GLYATL2: variants seen among roughly 807,000 people sequenced by gnomAD.
The protein encoded by GLYATL2 is glycine-N-acyltransferase like 2.
GLYATL2 carries 25 observed loss-of-function variants against 21.4 expected under a neutral mutation model. The ratio of observed to expected loss-of-function variants is 1.17; its 90% CI spans 0.85 to 1.63. The LOEUF (loss-of-function observed/expected upper bound fraction) is 1.63. Among genes scored for constraint, GLYATL2 ranks in the 40% most tolerant of loss-of-function variants. The pLI is 0.00. For synonymous variants in GLYATL2, 114 were observed against 118.2 expected, an observed-to-expected ratio of 0.96 and a Z score of 0.23; for missense variants, 361 against 343.3, an observed-to-expected ratio of 1.05 and a Z score of -0.41.
intron 1 of GLYATL2, among the ~76,000 whole-genome samples, chr11:58,849,889 A>G (rs1299607342): frequency 6.6e-6 from 1 of 152,158 alleles, no homozygotes; most frequent in African/African-American, 2.4e-5. Flanking sequence ...TACCTATGGA[A>G]CAAAGCTGCA....
Position 58,837,103 on chromosome 11 carries a change from T to C in GLYATL2, c.388A>G (p.Thr130Ala), listed in dbSNP as rs1488213929. 36 of 1,613,860 alleles carry C rather than the reference T, an allele frequency of 2.2e-5. No homozygotes were observed. In the Admixed American group the frequency reaches 6.0e-4, roughly 27 times the overall value. ...GGTAATTCCGGTATAAAGAGGATGG[T>C]TTTCATGTAATCTACCTGCACTGAT... is the stretch of plus-strand genomic sequence containing the variant. ...SKSVQVDYMK[T>A]ILFIPELPKK... The change falls in exon 5 of 6, where the codon ACC (threonine) becomes GCC (alanine). Residue 130 changes from threonine to alanine, a missense_variant. Coordinates refer to ENST00000287275, the MANE Select transcript of GLYATL2 (RefSeq NM_145016.4).
In GLYATL2 at chr11:58,903,499, T is replaced by A. The variant is rs1196132804; in HGVS notation, n.60+657A>T. Among the ~76,000 whole-genome samples, 60 of 151,936 alleles carry A rather than the reference T, an allele frequency of 3.9e-4. 1 individual carries two copies. Among genetic ancestry groups the A allele is most frequent in the Admixed American group, 3.9e-3 (60 of 15,268 alleles). The stretch of plus-strand genomic sequence containing the variant: ...CCCAGACTTGCCAACATGGTGAAAC[T>A]CCATCTCTATTAAAAATACAAAAAG... On this transcript the variant is annotated intron_variant and non_coding_transcript_variant, in intron 1 of 4. Coordinates refer to the GLYATL2 transcript ENST00000533636.
chr11:58,870,115 A>T (rs1424048564), intron 1 of GLYATL2, among the ~76,000 whole-genome samples: 2 of 152,096 alleles, frequency 1.3e-5, no homozygotes, highest in Non-Finnish European at 2.9e-5. Context: ...AAAAAAAAAA[A>T]TTACAGGCAG....
At chr11:58,864,697 C>G (rs1267735639) in intron 1 of GLYATL2, among the ~76,000 whole-genome samples, 1 of 148,980 alleles carries the variant, frequency 6.7e-6, no homozygotes, top group African/African-American at 2.4e-5. Flanking sequence ...CTCTGCTACA[C>G]GAAGATTCTG....
At chr11:58,846,818 G>A (rs1311451500), upstream of GLYATL2, among the ~76,000 whole-genome samples, 1 of 152,116 alleles carries the variant, frequency 6.6e-6, no homozygotes, top group African/African-American at 2.4e-5. Flanking sequence ...CAGAAATTGT[G>A]GACTGGGGGG....
intron 1 of GLYATL2, among the ~76,000 whole-genome samples, chr11:58,879,517 A>T (rs1854294595): frequency 6.6e-6 from 1 of 152,248 alleles, no homozygotes. Context: ...AAGCAAAATT[A>T]TTCCAGTTAA....
chr11:58,880,969 G>A (rs892763405), intron 1 of GLYATL2, among the ~76,000 whole-genome samples: 4 of 152,068 alleles, frequency 2.6e-5, no homozygotes, highest in Non-Finnish European at 5.9e-5. Flanking sequence ...TAACTAATTT[G>A]CTAATGATTG....
chr11:58,886,359 T>G (rs535381808), intron 1 of GLYATL2, among the ~76,000 whole-genome samples: 27 of 152,344 alleles, frequency 1.8e-4, no homozygotes, highest in Admixed American at 1.4e-3. Flanking sequence ...ATATTTCCAA[T>G]TTAGAGATGA....
At chr11:58,906,050 C>T (rs1854872106), upstream of GLYATL2, among the ~76,000 whole-genome samples, 1 of 152,212 alleles carries the variant, frequency 6.6e-6, no homozygotes, top group Non-Finnish European at 1.5e-5. Context: ...CTTCCCAACA[C>T]CTGCGAATCG....
At chr11:58,896,536 G>C (rs1854638047) in intron 1 of GLYATL2, among the ~76,000 whole-genome samples, 1 of 152,142 alleles carries the variant, frequency 6.6e-6, no homozygotes, top group Non-Finnish European at 1.5e-5. Context: ...CTGCTTCCCT[G>C]CCATCTCTAG....
intron 1 of GLYATL2, among the ~76,000 whole-genome samples, chr11:58,871,911 G>A (rs757781648): frequency 1.1e-4 from 16 of 152,324 alleles, no homozygotes; most frequent in Non-Finnish European, 1.5e-4. Flanking sequence ...CGGTGTAAAA[G>A]TGTTCCTATT....
chr11:58,867,177 G>A (rs1476175184), intron 1 of GLYATL2, among the ~76,000 whole-genome samples: 1 of 148,796 alleles, frequency 6.7e-6, no homozygotes, highest in Non-Finnish European at 1.5e-5. Flanking sequence ...GTAGTATGAA[G>A]TATGCCAACA....
upstream of GLYATL2, among the ~76,000 whole-genome samples, chr11:58,904,424 A>G (rs1274176277): frequency 6.6e-6 from 1 of 152,352 alleles, no homozygotes; most frequent in South Asian, 2.1e-4. Flanking sequence ...CCTAAGGAGC[A>G]CTTTTTTCCA....
chr11:58,864,489 C>T (rs986235599), intron 1 of GLYATL2, among the ~76,000 whole-genome samples: 7 of 149,136 alleles, frequency 4.7e-5, no homozygotes, highest in African/African-American at 1.7e-4. Context: ...ATACCTATTA[C>T]TGTATTTCAC....
chr11:58,901,970 AC>A lies in GLYATL2; in HGVS notation n.60+2185del, dbSNP rs1246978450. ...CACACAGCTCAGTGAATATTTCTTT[AC>A]TTGAAGAGAGAGAGAGGCTCCTTGG... On this transcript the variant is annotated intron_variant and non_coding_transcript_variant, in intron 1 of 4. Coordinates refer to the GLYATL2 transcript ENST00000533636. 2.6e-5 allele frequency among the ~76,000 whole-genome samples: 4 copies of A among 152,116 alleles called. No individual in the cohort carries two copies. The East Asian group carries it at 7.7e-4, about 29-fold the overall frequency.
chr11:58,909,346 A>G, the GLYATL2 span, among the ~76,000 whole-genome samples: 3 of 152,180 alleles, frequency 2.0e-5, no homozygotes, highest in Non-Finnish European at 2.9e-5. Flanking sequence ...ACAATATTGT[A>G]TACTTAAATT....
intron 1 of GLYATL2, among the ~76,000 whole-genome samples, chr11:58,850,445 C>A (rs1853719520): frequency 6.6e-6 from 1 of 151,914 alleles, no homozygotes; most frequent in Non-Finnish European, 1.5e-5. Context: ...ATATGAATAT[C>A]ATTAATCATT....
intron 1 of GLYATL2, among the ~76,000 whole-genome samples, chr11:58,870,208 CA>C (rs1854093659): frequency 6.6e-6 from 1 of 152,112 alleles, no homozygotes; most frequent in Non-Finnish European, 1.5e-5. Context: ...AAGGAGACCT[CA>C]TTGAGCAGGT....
chr11:58,908,507 C>A, upstream of GLYATL2: 1 of 212,820 alleles, frequency 4.7e-6, no homozygotes, highest in Non-Finnish European at 1.0e-5. Context: ...TCATTTAGTG[C>A]TACAGAGGAT....
Sources: allele counts gnomAD v4.1 joint callset (sites outside exome capture counted in the v4.1 genomes callset), GRCh38; gene constraint gnomAD v4.1.1; transcripts MANE v1.5; gene names NCBI Gene and HGNC (gene_info 2026-07-23, HGNC 2026-07-21).